Variants in FAM13A observed in about 807,000 individuals in gnomAD.
The protein encoded by FAM13A is protein FAM13A.
A neutral mutation model predicts 129.6 loss-of-function variants in FAM13A; 76 were observed. The observed-to-expected ratio is 0.59, with a 90% confidence interval of 0.49 to 0.71. The LOEUF (loss-of-function observed/expected upper bound fraction) is 0.71. Ranked by LOEUF, FAM13A falls within the 30% of genes least tolerant of loss-of-function variation. The pLI, the probability that FAM13A is intolerant of heterozygous loss-of-function variation, is 0.00. For synonymous variants in FAM13A, 443 were observed against 449.9 expected, an observed-to-expected ratio of 0.98 and a Z score of 0.20; for missense variants, 1,108 against 1,249.3, an observed-to-expected ratio of 0.89 and a Z score of 1.70.
rs887717106 is a variant in FAM13A, at chr4:88,847,672, C to T, written c.1007+3348G>A. ...ACAACAGGCCGGGTGCAGTGGCTCA[C>T]GCCTGTAATCCCAGCACTTTGGGAG... On this transcript the variant is annotated intron_variant, in intron 7 of 23. Transcript: ENST00000264344. Among the ~76,000 whole-genome samples the T allele has an allele frequency of 3.3e-5, 5 of 151,878 alleles. 1 individual carries two copies. The highest frequency in any genetic ancestry group is 4.2e-4 in the South Asian group (2 of 4,814).
At position 88,787,873 on chromosome 4, in the gene FAM13A, GAGTT is replaced by G; in HGVS notation, c.1147_1150del (p.Asn383LeufsTer61). On this transcript the variant is annotated frameshift_variant, in exon 10 of 24. Coordinates refer to ENST00000264344, the MANE Select transcript of FAM13A (RefSeq NM_014883.4). LOFTEE classifies it high-confidence loss of function. ...TGAGTCCTCTGAACTTTGACCTCCA[GAGTT>G]ATTAACATCAAAAAGATGTTGTTCT... 2 of 1,613,538 alleles carry G rather than the reference GAGTT, an allele frequency of 1.2e-6. No individual in the cohort carries two copies. The highest frequency in any genetic ancestry group is 1.7e-6 in the Non-Finnish European group (2 of 1,179,646).
intron 5 of FAM13A, among the ~76,000 whole-genome samples, chr4:88,925,189 G>A (rs1177636364): frequency 1.3e-5 from 2 of 152,094 alleles, no homozygotes; most frequent in East Asian, 3.9e-4. Context: ...ATTTGACCCA[G>A]CCATCCCATT....
intron 1 of FAM13A, among the ~76,000 whole-genome samples, chr4:89,033,175 T>C (rs1579861595): frequency 6.6e-6 from 1 of 150,790 alleles, no homozygotes; most frequent in East Asian, 1.9e-4. Context: ...TTAAAATACC[T>C]AGAAAAAAAT....
At chr4:89,007,957 A>T (rs1765264608) in intron 3 of FAM13A, among the ~76,000 whole-genome samples, 1 of 152,116 alleles carries the variant, frequency 6.6e-6, no homozygotes, top group African/African-American at 2.4e-5. Flanking sequence ...ATTCTCAAAA[A>T]GGATCAATAT....
Position 89,048,851 on chromosome 4 carries a change from T to C in FAM13A, c.27+8087A>G, listed in dbSNP as rs778624490. Among the ~76,000 whole-genome samples, 75 of 152,202 alleles carry C rather than the reference T, an allele frequency of 4.9e-4. 1 individual carries two copies. The highest frequency in any genetic ancestry group is 1.6e-4 in the Non-Finnish European group (11 of 68,036). On this transcript the variant is annotated intron_variant, in intron 1 of 23. Transcript: ENST00000264344. ...TGGAAGCACAGAAACATTTGTACAC[T>C]TAGAATCCTTTGGTTATTTGGAAAA...
At chr4:89,011,921 T>TCA (rs902344363) in intron 3 of FAM13A, among the ~76,000 whole-genome samples, 1 of 152,194 alleles carries the variant, frequency 6.6e-6, no homozygotes, top group South Asian at 2.1e-4. Context: ...CTCAATTAAA[T>TCA]CACACACTCC....
At chr4:88,732,478 G>A in intron 21 of FAM13A, 1 of 261,674 alleles carries the variant, frequency 3.8e-6, no homozygotes, top group Admixed American at 5.3e-5. Context: ...TCAGGTTGGG[G>A]GTAAGAAGGA....
intron 1 of FAM13A, among the ~76,000 whole-genome samples, chr4:89,042,925 A>G (rs1770350314): frequency 6.6e-6 from 1 of 152,248 alleles, no homozygotes; most frequent in South Asian, 2.1e-4. Flanking sequence ...TCAAGAACCT[A>G]TTAAAGACAA....
rs139954510 is a variant in FAM13A at position 88,832,660 on chromosome 4, C to T, written c.1007+18360G>A. Among the ~76,000 whole-genome samples, 417 of 152,100 alleles carry T rather than the reference C, an allele frequency of 2.7e-3. 1 individual carries two copies. The highest frequency in any genetic ancestry group is 9.5e-3 in the African/African-American group (394 of 41,464). ...AACAGCACTCATCATTAGAGAAATG[C>T]AAATCAAAACCACAATGAGATACCA... On this transcript the variant is annotated intron_variant, in intron 7 of 23. Transcript: ENST00000264344.
rs147999289 is a variant in FAM13A at position 88,865,991 on chromosome 4, C to T, written c.844-14808G>A. Among the ~76,000 whole-genome samples the T allele has an allele frequency of 2.2e-3, 332 of 150,462 alleles. 4 individuals are homozygous for T. Among genetic ancestry groups the T allele is most frequent in the African/African-American group, 7.9e-3 (323 of 40,730 alleles). On this transcript the variant is annotated intron_variant, in intron 6 of 23. Coordinates refer to ENST00000264344, the MANE Select transcript of FAM13A (RefSeq NM_014883.4). ...GGTTCAAGCGATTTTCATGCCTCAGCCTCCCAAGTAGCTGGGATTACAGGC... is the reference window on the plus strand; with the variant it reads ...GGTTCAAGCGATTTTCATGCCTCAGTCTCCCAAGTAGCTGGGATTACAGGC...
rs750658485 is a variant in FAM13A, at chr4:88,982,687, T to C, written c.605+8286A>G. 3.4e-4 allele frequency among the ~76,000 whole-genome samples: 52 copies of C among 152,344 alleles called. No individual in the cohort carries two copies. In the South Asian group the frequency reaches 5.0e-3, roughly 15 times the overall value. ...AGCAATTCCTGCTAATTTCTAAGAA[T>C]GATAAAGTATTCAGAGGACTTTTGC... is the stretch of plus-strand genomic sequence containing the variant. On this transcript the variant is annotated intron_variant, in intron 4 of 23. Transcript: ENST00000264344.
At chr4:88,891,075 C>T (rs1279411014) in intron 6 of FAM13A, among the ~76,000 whole-genome samples, 11 of 152,106 alleles carry the variant, frequency 7.2e-5, no homozygotes, top group African/African-American at 2.7e-4. Flanking sequence ...GTACGTTCTA[C>T]CAAATATTAA....
chr4:88,754,957 TAAG>T (rs752253176), intron 14 of FAM13A, among the ~76,000 whole-genome samples: 2 of 152,182 alleles, frequency 1.3e-5, no homozygotes, highest in South Asian at 4.1e-4. Flanking sequence ...TCTACACATT[TAAG>T]AACAGCTGCT....
intron 6 of FAM13A, among the ~76,000 whole-genome samples, chr4:88,858,441 T>A (rs775955928): frequency 3.9e-5 from 6 of 152,230 alleles, no homozygotes; most frequent in Non-Finnish European, 5.9e-5. Flanking sequence ...TTTCATTTTG[T>A]ATACTAATGT....
intron 6 of FAM13A, among the ~76,000 whole-genome samples, chr4:88,888,770 TAA>T (rs35786527): frequency 6.0e-5 from 8 of 133,786 alleles, no homozygotes; most frequent in Admixed American, 7.5e-5. Flanking sequence ...CTAAAAATAC[TAA>T]AAAAAAAAAA....
At chr4:89,045,082 T>A (rs897545463) in intron 1 of FAM13A, among the ~76,000 whole-genome samples, 1 of 152,150 alleles carries the variant, frequency 6.6e-6, no homozygotes, top group Admixed American at 6.6e-5. Context: ...TTTTATGTTA[T>A]GTATATTTTA....
At position 88,747,766 on chromosome 4, in the gene FAM13A, T is replaced by G; in HGVS notation, c.2247A>C (p.Gln749His). The G allele has an allele frequency of 6.2e-7, 1 of 1,614,216 alleles. No homozygotes were observed. The highest frequency in any genetic ancestry group is 8.5e-7 in the Non-Finnish European group (1 of 1,179,996). The change falls in exon 18 of 24, where the codon CAA (glutamine) becomes CAC (histidine). Residue 749 changes from glutamine (Q) to histidine (H), a missense_variant. Transcript: ENST00000264344. ...SNTLPKSFGS[Q>H]LEKEDEKKQE... ...GCTTCTTCTCATCTTCTTTCTCAAG[T>G]TGGGAACCAAAACTCTTGGGGAGTG...
intron 8 of FAM13A, among the ~76,000 whole-genome samples, chr4:88,802,831 A>C (rs1397617954): frequency 1.3e-5 from 2 of 152,106 alleles, no homozygotes; most frequent in Non-Finnish European, 2.9e-5. Flanking sequence ...TCTCCACTCC[A>C]GTAGCAGGAT....
intron 13 of FAM13A, among the ~76,000 whole-genome samples, chr4:88,760,732 T>C (rs1343450053): frequency 6.6e-6 from 1 of 152,150 alleles, no homozygotes; most frequent in African/African-American, 2.4e-5. Context: ...AAAAGTATTT[T>C]TCCCTTAAGC....
Sources: allele counts gnomAD v4.1 joint callset (sites outside exome capture counted in the v4.1 genomes callset), GRCh38; gene constraint gnomAD v4.1.1; transcripts MANE v1.5; gene names NCBI Gene and HGNC (gene_info 2026-07-23, HGNC 2026-07-21).